ORC3: variants seen among roughly 807,000 people sequenced by gnomAD.
ORC3 encodes the protein origin recognition complex subunit 3.
In ORC3, 78 loss-of-function variants were observed where a neutral mutation model predicts 100.7. The observed-to-expected ratio is 0.77, with a 90% CI of 0.65 to 0.94. The LOEUF is 0.94. Among genes scored for constraint, ORC3 ranks in the 40% least tolerant of loss-of-function variants. ORC3 has a pLI of 0.00. For missense variants in ORC3, 789 were observed against 823.9 expected (o/e 0.96, Z 0.52); for synonymous variants, 295 against 289.3 (o/e 1.02, Z -0.20).
At chr6:87,607,564 C>A in intron 5 of ORC3, 109 bp from the exon 6 acceptor site, 2 of 692,284 alleles carry the variant, frequency 2.9e-6, no homozygotes, top group Non-Finnish European at 4.3e-6. Flanking sequence ...TATAAAAAAA[C>A]ACATTCTACC....
intron 9 of ORC3, among the ~76,000 whole-genome samples, chr6:87,620,699 A>C (rs1779472138): frequency 6.6e-6 from 1 of 152,182 alleles, no homozygotes; most frequent in Non-Finnish European, 1.5e-5. Flanking sequence ...TATAAAACTC[A>C]AGACTATCCA....
At chr6:87,597,586 GA>G (rs1365121992) in intron 2 of ORC3, among the ~76,000 whole-genome samples, 2 of 151,624 alleles carry the variant, frequency 1.3e-5, no homozygotes, top group Non-Finnish European at 2.9e-5. Flanking sequence ...GTTTTGAATT[GA>G]AAAAATGAAC....
intron 13 of ORC3, among the ~76,000 whole-genome samples, chr6:87,649,021 G>A (rs1185377999): frequency 6.6e-6 from 1 of 152,164 alleles, no homozygotes; most frequent in East Asian, 1.9e-4. Context: ...CACTTTTGCT[G>A]CTGCTGGATA....
At chr6:87,640,743 A>G (rs1439793075) in intron 13 of ORC3, among the ~76,000 whole-genome samples, 1 of 152,222 alleles carries the variant, frequency 6.6e-6, no homozygotes, top group Non-Finnish European at 1.5e-5. Flanking sequence ...ATGCTAGGCC[A>G]GTAATTTTTC....
intron 14 of ORC3, among the ~76,000 whole-genome samples, chr6:87,654,565 C>G (rs182689757): frequency 3.2e-4 from 49 of 152,342 alleles, no homozygotes; most frequent in Admixed American, 1.3e-3. Context: ...AGCACTCAGA[C>G]CAGAGCCCAT....
chr6:87,638,872 G>A (rs1397110905), intron 13 of ORC3, among the ~76,000 whole-genome samples: 1 of 151,830 alleles, frequency 6.6e-6, no homozygotes, highest in Non-Finnish European at 1.5e-5. Flanking sequence ...GTGAATAAGT[G>A]TAAGAAAATG....
At position 87,606,617 on chromosome 6, in the gene ORC3, A is replaced by C. The variant is rs9344711; in HGVS notation, c.427+596A>C. On this transcript the variant is annotated intron_variant, in intron 5 of 19. Transcript: ENST00000392844. ...ATGATCATAGCTCAGTGCAGCTTGA[A>C]CTCCTGGCCTCAAGCAGTTCTCCCA... 7.2e-5 allele frequency among the ~76,000 whole-genome samples: 11 copies of C among 151,732 alleles called. No individual in the cohort carries two copies. The East Asian group carries it at 2.1e-3, about 29-fold the overall frequency.
intron 3 of ORC3, among the ~76,000 whole-genome samples, chr6:87,602,954 A>ATTT (rs1554236515): frequency 7.3e-4 from 69 of 95,172 alleles, no homozygotes; most frequent in Non-Finnish European, 1.2e-3. Flanking sequence ...ACACATATAT[A>ATTT]ATATATATAT....
intron 15 of ORC3, 137 bp from the exon 16 acceptor site, chr6:87,657,784 C>T: frequency 4.0e-6 from 2 of 494,574 alleles, no homozygotes; most frequent in Non-Finnish European, 7.3e-6. Context: ...ATAAACAAAA[C>T]CCATTTTGAT....
At chr6:87,611,050 T>G (rs1423999653) in intron 7 of ORC3, among the ~76,000 whole-genome samples, 1 of 151,118 alleles carries the variant, frequency 6.6e-6, no homozygotes, top group African/African-American at 2.4e-5. Context: ...AGTCCTCCCT[T>G]CTCAGGTCCC....
At chr6:87,657,802 TG>T (rs1197999214) in intron 15 of ORC3, 118 bp from the exon 16 acceptor site, 1 of 547,620 alleles carries the variant, frequency 1.8e-6, no homozygotes, top group Non-Finnish European at 3.3e-6. Context: ...GATCTTTCTC[TG>T]TACATCCTGT....
intron 16 of ORC3, among the ~76,000 whole-genome samples, chr6:87,662,671 A>G (rs1287422968): frequency 6.6e-6 from 1 of 152,194 alleles, no homozygotes; most frequent in Non-Finnish European, 1.5e-5. Context: ...TGTAGTATAT[A>G]TACATTTGTT....
chr6:87,621,540 A>G, intron 10 of ORC3, 53 bp downstream of exon 10: 2 of 1,221,530 alleles, frequency 1.6e-6, no homozygotes, highest in African/African-American at 1.6e-5. Flanking sequence ...TTGGTACTAA[A>G]TAAGAGATCT....
chr6:87,608,851 G>C (rs1778532780), intron 6 of ORC3, among the ~76,000 whole-genome samples: 1 of 151,400 alleles, frequency 6.6e-6, no homozygotes. Context: ...CATTTCCTTA[G>C]CAGAAAATAT....
chr6:87,667,701 G>C (rs1340824231), downstream of ORC3, among the ~76,000 whole-genome samples: 1 of 152,018 alleles, frequency 6.6e-6, no homozygotes, highest in Admixed American at 6.5e-5. Context: ...GGCCAAGGCG[G>C]GTGGATCACA....
chr6:87,602,255 A>T (rs979676712), intron 3 of ORC3, among the ~76,000 whole-genome samples: 1 of 152,138 alleles, frequency 6.6e-6, no homozygotes, highest in African/African-American at 2.4e-5. Context: ...AAAAAAACTC[A>T]TATTTCTTGT....
intron 8 of ORC3, among the ~76,000 whole-genome samples, chr6:87,613,055 A>C (rs1778895920): frequency 1.3e-5 from 2 of 152,234 alleles, no homozygotes; most frequent in African/African-American, 2.4e-5. Flanking sequence ...ACATAAATGC[A>C]AGTATGATTC....
At chr6:87,641,027 T>G (rs1165878371) in intron 13 of ORC3, among the ~76,000 whole-genome samples, 1 of 151,664 alleles carries the variant, frequency 6.6e-6, no homozygotes, top group Non-Finnish European at 1.5e-5. Flanking sequence ...GAGAATCACT[T>G]GAAACTGGGA....
chr6:87,669,732 G>C (rs1770791632), downstream of ORC3, among the ~76,000 whole-genome samples: 1 of 152,150 alleles, frequency 6.6e-6, no homozygotes, highest in Non-Finnish European at 1.5e-5. Context: ...CCAACCATGT[G>C]TTTCATTTTT....
Sources: gnomAD v4.1 joint callset for allele counts (sites outside exome capture counted in the v4.1 genomes callset) on GRCh38, gnomAD v4.1.1 for gene constraint, MANE v1.5 for transcripts, NCBI Gene and HGNC (gene_info 2026-07-23, HGNC 2026-07-21) for gene names.